The following RAB38 variants were observed in gnomAD, a reference collection of about 807,000 sequenced individuals.
RAB38 encodes the protein ras-related protein Rab-38.
In RAB38, 15 loss-of-function variants were observed where a neutral mutation model predicts 18.4. The ratio of observed to expected loss-of-function variants is 0.82; its 90% CI spans 0.55 to 1.26. The LOEUF is 1.26. Ranked by LOEUF, RAB38 falls within the 50% of genes most tolerant of loss-of-function variation. The pLI is 0.00. For missense variants in RAB38, 294 were observed against 267.4 expected (o/e 1.10, Z -0.69); for synonymous variants, 101 against 104.4 (o/e 0.97, Z 0.20).
the RAB38 span, among the ~76,000 whole-genome samples, chr11:88,005,149 A>T: frequency 6.6e-6 from 1 of 151,468 alleles, no homozygotes; most frequent in Non-Finnish European, 1.5e-5. Context: ...CTTCTATGGA[A>T]AATCAAGAAA....
chr11:87,847,206 G>A, the RAB38 span, among the ~76,000 whole-genome samples: 1 of 151,914 alleles, frequency 6.6e-6, no homozygotes, highest in African/African-American at 2.4e-5. Flanking sequence ...AAGAAAGTAA[G>A]TAAAAATCTG....
the RAB38 span, among the ~76,000 whole-genome samples, chr11:88,017,384 C>T: frequency 3.7e-4 from 56 of 151,536 alleles, no homozygotes; most frequent in East Asian, 2.1e-3. Flanking sequence ...CACACACAAA[C>T]GCAAAGAGAG....
the RAB38 span, among the ~76,000 whole-genome samples, chr11:87,804,786 T>A: frequency 6.6e-6 from 1 of 152,216 alleles, no homozygotes; most frequent in South Asian, 2.1e-4. Context: ...AGTCACTTAC[T>A]ATATTGCTCC....
chr11:88,019,997 T>A, the RAB38 span, among the ~76,000 whole-genome samples: 2 of 152,292 alleles, frequency 1.3e-5, no homozygotes, highest in Non-Finnish European at 2.9e-5. Flanking sequence ...GCCTGGTGTA[T>A]GGTTCTCATT....
chr11:88,029,526 T>C, the RAB38 span, among the ~76,000 whole-genome samples: 1 of 151,892 alleles, frequency 6.6e-6, no homozygotes, highest in African/African-American at 2.4e-5. Flanking sequence ...AATAAAAGGA[T>C]GGAGGAAGAT....
At chr11:88,165,261 A>G (rs7111615) in intron 1 of RAB38, among the ~76,000 whole-genome samples, 37,845 of 152,060 alleles carry the variant, frequency 0.25, 4,745 homozygotes, top group Admixed American at 0.27. Flanking sequence ...GACAAATCTC[A>G]GTGCATATCC....
chr11:87,825,319 T>G, the RAB38 span, among the ~76,000 whole-genome samples: 1 of 152,158 alleles, frequency 6.6e-6, no homozygotes, highest in Non-Finnish European at 1.5e-5. Context: ...CTGTGTTAGT[T>G]TGCTAGGGCT....
the RAB38 span, among the ~76,000 whole-genome samples, chr11:87,830,380 C>T: frequency 1.3e-5 from 2 of 151,782 alleles, no homozygotes; most frequent in African/African-American, 4.8e-5. Flanking sequence ...ACTTGGGAGG[C>T]TGAGGTGGAA....
chr11:88,142,803 G>A (rs530150306), intron 2 of RAB38, among the ~76,000 whole-genome samples: 3 of 152,316 alleles, frequency 2.0e-5, no homozygotes, highest in Non-Finnish European at 4.4e-5. Flanking sequence ...AAGATAGGTA[G>A]TTCTGACAAC....
intron 1 of RAB38, among the ~76,000 whole-genome samples, chr11:88,152,268 A>T (rs886121925): frequency 1.3e-5 from 2 of 152,188 alleles, no homozygotes; most frequent in African/African-American, 4.8e-5. Context: ...TTATTCAATA[A>T]TCTGCTTGTC....
the RAB38 span, among the ~76,000 whole-genome samples, chr11:88,018,011 G>C: frequency 6.6e-6 from 1 of 151,992 alleles, no homozygotes; most frequent in African/African-American, 2.4e-5. Flanking sequence ...GTCTGCCGCC[G>C]TATGAGACAT....
At chr11:88,024,700 G>T in the RAB38 span, among the ~76,000 whole-genome samples, 4 of 152,098 alleles carry the variant, frequency 2.6e-5, no homozygotes, top group Non-Finnish European at 5.9e-5. Flanking sequence ...CTATAAAAAA[G>T]AATGAAATTC....
chr11:88,171,300 A>C (rs538581886), intron 1 of RAB38, among the ~76,000 whole-genome samples: 1 of 152,340 alleles, frequency 6.6e-6, no homozygotes, highest in African/African-American at 2.4e-5. Context: ...CAAAGCTAGT[A>C]AGTAAAGAAG....
chr11:88,102,013 T>C, the RAB38 span, among the ~76,000 whole-genome samples: 7 of 151,970 alleles, frequency 4.6e-5, no homozygotes, highest in Non-Finnish European at 8.8e-5. Context: ...AGCAAATATC[T>C]GTATGGTACG....
chr11:88,134,541 C>A (rs1942809528), intron 2 of RAB38, among the ~76,000 whole-genome samples: 1 of 152,190 alleles, frequency 6.6e-6, no homozygotes, highest in Non-Finnish European at 1.5e-5. Context: ...CATCACCTGG[C>A]CGCCAATTCT....
At chr11:88,044,109 A>G in the RAB38 span, among the ~76,000 whole-genome samples, 1 of 151,784 alleles carries the variant, frequency 6.6e-6, no homozygotes, top group African/African-American at 2.4e-5. Context: ...TTATCCATGG[A>G]CTCAAAACTC....
At chr11:88,077,886 T>G in the RAB38 span, among the ~76,000 whole-genome samples, 1 of 152,010 alleles carries the variant, frequency 6.6e-6, no homozygotes, top group South Asian at 2.1e-4. Context: ...GGGGAAGATA[T>G]TTGCAACTAT....
At chr11:87,962,509 A>G in the RAB38 span, among the ~76,000 whole-genome samples, 18 of 104,422 alleles carry the variant, frequency 1.7e-4, no homozygotes, top group Non-Finnish European at 3.1e-4. Context: ...GGCAGGGGGC[A>G]GGGGGGAAGA....
At chr11:87,878,971 A>ATTTTTTTTTT in the RAB38 span, among the ~76,000 whole-genome samples, 3 of 133,758 alleles carry the variant, frequency 2.2e-5, no homozygotes, top group Non-Finnish European at 1.6e-5. Flanking sequence ...GCAATTACTG[A>ATTTTTTTTTT]TTTTTTTTTT....
Sources: allele counts gnomAD v4.1 joint callset (sites outside exome capture counted in the v4.1 genomes callset), GRCh38; gene constraint gnomAD v4.1.1; transcripts MANE v1.5; gene names NCBI Gene and HGNC (gene_info 2026-07-23, HGNC 2026-07-21).